MAP4K3: variants seen among roughly 807,000 people sequenced by gnomAD.
The protein encoded by MAP4K3 is mitogen-activated protein kinase kinase kinase kinase 3, also known as MAPK/ERK kinase kinase kinase 3.
A neutral mutation model predicts 143.5 loss-of-function variants in MAP4K3; 94 were observed. The observed-to-expected ratio is 0.65, with a 90% CI of 0.55 to 0.78. The LOEUF is 0.78. Ranked by LOEUF, MAP4K3 falls within the 30% of genes least tolerant of loss-of-function variation. The pLI is 0.00. For missense variants in MAP4K3, 1,077 were observed against 1,068.1 expected, an observed-to-expected ratio of 1.01 and a Z score of -0.12; for synonymous variants, 416 against 347.2, an observed-to-expected ratio of 1.20 and a Z score of -2.20.
chr2:39,422,751 G>C (rs1667582070), intron 1 of MAP4K3, among the ~76,000 whole-genome samples: 1 of 152,082 alleles, frequency 6.6e-6, no homozygotes, highest in Non-Finnish European at 1.5e-5. Context: ...TCTAGACATG[G>C]ACCTCACATC....
chr2:39,313,274 A>C (rs1444319487), intron 13 of MAP4K3, among the ~76,000 whole-genome samples: 1 of 152,070 alleles, frequency 6.6e-6, no homozygotes, highest in Non-Finnish European at 1.5e-5. Context: ...TGTATAGGTA[A>C]ACTTGCATCG....
chr2:39,294,781 G>C (rs995821462), intron 16 of MAP4K3, among the ~76,000 whole-genome samples: 1 of 152,096 alleles, frequency 6.6e-6, no homozygotes, highest in Non-Finnish European at 1.5e-5. Flanking sequence ...TATTACTATT[G>C]GCTAAATAAC....
intron 2 of MAP4K3, among the ~76,000 whole-genome samples, chr2:39,374,717 T>G (rs1055321211): frequency 6.6e-6 from 1 of 152,094 alleles, no homozygotes; most frequent in Non-Finnish European, 1.5e-5. Flanking sequence ...TTTTTAAATT[T>G]TTTAAATTTA....
chr2:39,328,358 A>C (rs1350907922), intron 8 of MAP4K3, among the ~76,000 whole-genome samples: 1 of 152,172 alleles, frequency 6.6e-6, no homozygotes, highest in Admixed American at 6.5e-5. Flanking sequence ...ACAAACAAAA[A>C]TTAGTGAATG....
intron 2 of MAP4K3, among the ~76,000 whole-genome samples, chr2:39,369,210 T>TTTTTGTTTTTTTTTG (rs1255151909): frequency 6.8e-6 from 1 of 147,152 alleles, no homozygotes. Flanking sequence ...TTTTTGTTTT[T>TTTTTGTTTTTTTTTG]TTTGAGATGC....
chr2:39,385,605 G>C lies in MAP4K3; in HGVS notation c.97-7482C>G, dbSNP rs548374208. ...ATATATATATATATTCTATATATGA[G>C]TCCTTTGTCAGATATATGATTTGCA... is the stretch of plus-strand genomic sequence containing the variant. On this transcript the variant is annotated intron_variant, in intron 1 of 33. Coordinates refer to ENST00000263881, the MANE Select transcript of MAP4K3 (RefSeq NM_003618.4). Among the ~76,000 whole-genome samples the C allele has an allele frequency of 1.6e-4, 20 of 125,474 alleles. No homozygotes were observed. In the South Asian group the frequency reaches 1.8e-3, roughly 11 times the overall value. 82.3% of individuals were successfully genotyped at this position (125,474 alleles called of 152,430 possible).
At chr2:39,372,754 G>T (rs941436189) in intron 2 of MAP4K3, among the ~76,000 whole-genome samples, 4 of 152,046 alleles carry the variant, frequency 2.6e-5, no homozygotes, top group African/African-American at 4.8e-5. Context: ...ACTGAAACTA[G>T]ACCCCCTTCC....
intron 2 of MAP4K3, among the ~76,000 whole-genome samples, chr2:39,375,574 A>G (rs1473625654): frequency 2.6e-5 from 4 of 152,166 alleles, no homozygotes; most frequent in Non-Finnish European, 4.4e-5. Flanking sequence ...TTAATAAAGA[A>G]CTGTAATGTT....
intron 2 of MAP4K3, among the ~76,000 whole-genome samples, chr2:39,362,697 T>C (rs191452318): frequency 2.6e-4 from 40 of 152,010 alleles, no homozygotes; most frequent in Admixed American, 9.2e-4. Flanking sequence ...GAAAAAACAA[T>C]CCTAAAATTT....
At position 39,378,124 on chromosome 2, in the gene MAP4K3, C is replaced by T; in HGVS notation, c.97-1G>A. On this transcript the variant is annotated splice_acceptor_variant, in intron 1 of 33. Transcript: ENST00000263881. LOFTEE classifies it high-confidence loss of function. ...ATTCACCAGTGTTAACATTCCGTGC[C>T]TAAAAGAAAGAGGAAAAAAGGATTA... 1 of 1,568,552 alleles carries T rather than the reference C, an allele frequency of 6.4e-7. No homozygotes were observed. Among genetic ancestry groups the T allele is most frequent in the Non-Finnish European group, 8.7e-7 (1 of 1,155,580 alleles).
chr2:39,292,651 A>G (rs2148480233), intron 18 of MAP4K3, 122 bp downstream of exon 18: 1 of 791,840 alleles, frequency 1.3e-6, no homozygotes, highest in East Asian at 2.6e-5. Flanking sequence ...AAGGAAACTG[A>G]GATACAACCC....
chr2:39,294,403 A>G (rs746550886), intron 16 of MAP4K3: 4 of 152,234 alleles, frequency 2.6e-5, no homozygotes, highest in Non-Finnish European at 5.9e-5. Context: ...AAAACCACAA[A>G]CTAATTGCAA....
intron 4 of MAP4K3, among the ~76,000 whole-genome samples, 171 bp from the exon 5 acceptor site, chr2:39,337,752 GTTTTTTTTTTTTTTTT>G (rs570853243): frequency 1.4e-5 from 1 of 70,512 alleles, no homozygotes. Context: ...CCTGGCTCCA[GTTTTTTTTTTTTTTTT>G]TTTTTTTTTT....
intron 18 of MAP4K3, among the ~76,000 whole-genome samples, chr2:39,292,470 T>G (rs1181143701): frequency 6.6e-6 from 1 of 152,200 alleles, no homozygotes; most frequent in East Asian, 1.9e-4. Flanking sequence ...CGTGAAGACA[T>G]GGCCAGAAGA....
intron 1 of MAP4K3, among the ~76,000 whole-genome samples, chr2:39,386,377 A>C (rs1022652026): frequency 4.6e-5 from 7 of 152,232 alleles, no homozygotes; most frequent in Non-Finnish European, 8.8e-5. Context: ...GCCTTGCCAA[A>C]CAAATATACA....
chr2:39,335,776 C>A (rs1664930040), intron 6 of MAP4K3, among the ~76,000 whole-genome samples: 1 of 152,106 alleles, frequency 6.6e-6, no homozygotes, highest in African/African-American at 2.4e-5. Flanking sequence ...CAAAAAAATA[C>A]CTTCAAACAA....
chr2:39,288,800 C>CCCA (rs1681906886), intron 19 of MAP4K3, among the ~76,000 whole-genome samples: 1 of 152,188 alleles, frequency 6.6e-6, no homozygotes, highest in Non-Finnish European at 1.5e-5. Context: ...CGCCTCTAAT[C>CCCA]CCAGCACTTT....
At chr2:39,269,039 C>T (rs567585390) in intron 26 of MAP4K3, among the ~76,000 whole-genome samples, 50 of 152,140 alleles carry the variant, frequency 3.3e-4, no homozygotes, top group Non-Finnish European at 6.6e-4. Flanking sequence ...GCTGGGATTA[C>T]AGGCATGAGC....
intron 3 of MAP4K3, among the ~76,000 whole-genome samples, chr2:39,349,074 C>A (rs539060820): frequency 1.3e-5 from 2 of 152,302 alleles, no homozygotes; most frequent in East Asian, 3.9e-4. Flanking sequence ...GCTAGCTATC[C>A]TGTACACTGC....
Sources: allele counts gnomAD v4.1 joint callset (sites outside exome capture counted in the v4.1 genomes callset), GRCh38; gene constraint gnomAD v4.1.1; transcripts MANE v1.5; gene names NCBI Gene and HGNC (gene_info 2026-07-23, HGNC 2026-07-21).